CADPS: variants seen among roughly 807,000 people sequenced by gnomAD.
The protein encoded by CADPS is calcium-dependent secretion activator 1.
In CADPS, 57 loss-of-function variants were observed where a neutral mutation model predicts 167.3. The observed-to-expected ratio is 0.34, with a 90% CI of 0.28 to 0.42. The LOEUF (loss-of-function observed/expected upper bound fraction) is 0.42, where lower values mean the gene tolerates loss of function less well. Among genes scored for constraint, CADPS ranks in the 20% least tolerant of loss-of-function variants. The pLI is 1.00. For synonymous variants in CADPS, 676 were observed against 635.3 expected, an observed-to-expected ratio of 1.06 and a Z score of -0.96; for missense variants, 1,414 against 1,738.1, an observed-to-expected ratio of 0.81 and a Z score of 3.32.
At chr3:62,434,013 T>C (rs1393003962) in intron 28 of CADPS, among the ~76,000 whole-genome samples, 1 of 152,220 alleles carries the variant, frequency 6.6e-6, no homozygotes, top group African/African-American at 2.4e-5. Flanking sequence ...TGGAGATTAT[T>C]TCATATCCAT....
At chr3:62,629,893 T>C (rs2064958729) in intron 6 of CADPS, among the ~76,000 whole-genome samples, 1 of 152,210 alleles carries the variant, frequency 6.6e-6, no homozygotes, top group South Asian at 2.1e-4. Flanking sequence ...AGTGGATCTT[T>C]GACATTGAAG....
Position 62,765,996 on chromosome 3 carries a change from A to C in CADPS, c.442-12T>G, listed in dbSNP as rs1159057453. On this transcript the variant is annotated splice_polypyrimidine_tract_variant and intron_variant, in intron 1 of 29. Transcript: ENST00000383710. ...TGCTGTTTGCTGATCTGTAAGAAAC[A>C]GAAAAAGAGGGAAATGTGAGAACTT... The C allele has an allele frequency of 6.3e-6, 10 of 1,581,044 alleles. No homozygotes were observed. The highest frequency in any genetic ancestry group is 8.7e-6 in the Non-Finnish European group (10 of 1,150,856).
In CADPS at chr3:62,433,302, G is replaced by A. The variant is rs1311169001; in HGVS notation, c.3777+4802C>T. Among the ~76,000 whole-genome samples the A allele has an allele frequency of 1.3e-5, 2 of 152,102 alleles. No homozygotes were observed. Among genetic ancestry groups the A allele is most frequent in the Non-Finnish European group, 2.9e-5 (2 of 68,014 alleles). The stretch of plus-strand genomic sequence containing the variant: ...CAATTATTGTTCTGCCACACAAACT[G>A]GACAAATACACGATTTGAAAATGGA... On this transcript the variant is annotated intron_variant, in intron 28 of 29. Transcript: ENST00000383710. This position sits in a 1 kb window ranked among gnomAD's most constrained non-coding sequence, Gnocchi z 4.7.
rs2051474033 is a variant in CADPS, at chr3:62,421,810, G to A, written c.3777+16294C>T. Among the ~76,000 whole-genome samples, 1 of 152,182 alleles carries A rather than the reference G, an allele frequency of 6.6e-6. No homozygotes were observed. Among genetic ancestry groups the A allele is most frequent in the Admixed American group, 6.5e-5 (1 of 15,288 alleles). Reference sequence around the variant, plus strand: ...GATGCCCCGGGTCTGGGTTTTTTTGGAGTGTGCTATTGTTTGTGCTGGACT... The same window carrying A: ...GATGCCCCGGGTCTGGGTTTTTTTGAAGTGTGCTATTGTTTGTGCTGGACT... On this transcript the variant is annotated intron_variant, in intron 28 of 29. Transcript: ENST00000383710. The surrounding 1 kb of genome is among the most constrained non-coding windows in gnomAD (Gnocchi z 4.7).
chr3:62,637,190 GTCTC>G (rs755314116), intron 6 of CADPS, among the ~76,000 whole-genome samples: 20 of 152,192 alleles, frequency 1.3e-4, no homozygotes, highest in Admixed American at 3.9e-4. Flanking sequence ...GTTGTGTCTT[GTCTC>G]TCTTTCAAAT....
chr3:62,549,206 G>C (rs1233264818), intron 11 of CADPS, among the ~76,000 whole-genome samples: 2 of 152,122 alleles, frequency 1.3e-5, no homozygotes, highest in Admixed American at 6.5e-5. Context: ...CATTTTCTTT[G>C]TTTTAATAAA....
At chr3:62,777,536 T>C (rs1373452399) in intron 1 of CADPS, among the ~76,000 whole-genome samples, 1 of 152,098 alleles carries the variant, frequency 6.6e-6, no homozygotes, top group Non-Finnish European at 1.5e-5. Context: ...TAATGCAAAC[T>C]AGGAACTTTA....
chr3:62,406,477 G>A (rs972470732), intron 28 of CADPS, among the ~76,000 whole-genome samples: 1 of 152,168 alleles, frequency 6.6e-6, no homozygotes, highest in African/African-American at 2.4e-5. Flanking sequence ...GTTCAGATAT[G>A]CCTTTTCCAG....
At chr3:62,492,150 T>C (rs2063852545) in intron 20 of CADPS, 140 bp downstream of exon 20, 1 of 726,376 alleles carries the variant, frequency 1.4e-6, no homozygotes, top group Admixed American at 2.4e-5. Context: ...TGTATGTTTC[T>C]TTTTGGGGGG....
At chr3:62,599,226 T>C (rs2059337966) in intron 6 of CADPS, among the ~76,000 whole-genome samples, 1 of 151,952 alleles carries the variant, frequency 6.6e-6, no homozygotes, top group Admixed American at 6.6e-5. Context: ...AAGTAGATAA[T>C]GTAAAATGGG....
chr3:62,743,878 G>A (rs2080869121), intron 3 of CADPS, among the ~76,000 whole-genome samples: 1 of 152,124 alleles, frequency 6.6e-6, no homozygotes, highest in South Asian at 2.1e-4. Flanking sequence ...CCAAATAAAA[G>A]AGATTCATAA....
intron 3 of CADPS, among the ~76,000 whole-genome samples, chr3:62,700,671 C>T (rs372274014): frequency 2.6e-5 from 4 of 152,080 alleles, no homozygotes; most frequent in African/African-American, 4.8e-5. Flanking sequence ...TTGCACTTCA[C>T]GTGCTTTGTC....
chr3:62,738,428 TA>T (rs5849498), intron 3 of CADPS, among the ~76,000 whole-genome samples: 7 of 151,066 alleles, frequency 4.6e-5, no homozygotes, highest in Non-Finnish European at 7.4e-5. Flanking sequence ...ACTTACACAT[TA>T]AAAAAAAATT....
At chr3:62,521,830 C>A (rs2070684601) in intron 13 of CADPS, among the ~76,000 whole-genome samples, 1 of 152,162 alleles carries the variant, frequency 6.6e-6, no homozygotes, top group South Asian at 2.1e-4. Context: ...GGTGCCTATT[C>A]CCCTACTATT....
At chr3:62,502,061 C>T (rs1037189364) in intron 17 of CADPS, among the ~76,000 whole-genome samples, 1 of 152,298 alleles carries the variant, frequency 6.6e-6, no homozygotes, top group Non-Finnish European at 1.5e-5. Context: ...ACCCATGTAG[C>T]CAGTCTTTCA....
At chr3:62,853,164 C>A (rs1197047631) in intron 1 of CADPS, among the ~76,000 whole-genome samples, 2 of 152,110 alleles carry the variant, frequency 1.3e-5, no homozygotes, top group African/African-American at 4.8e-5. Context: ...GTGATCAATA[C>A]CACTTTTATC....
At chr3:62,809,790 T>C (rs1480985305) in intron 1 of CADPS, among the ~76,000 whole-genome samples, 1 of 152,188 alleles carries the variant, frequency 6.6e-6, no homozygotes, top group Non-Finnish European at 1.5e-5. Flanking sequence ...TGATGCATAA[T>C]ATCCATGAAA....
chr3:62,871,067 CATAAT>C (rs2082551623), intron 1 of CADPS, among the ~76,000 whole-genome samples: 1 of 152,066 alleles, frequency 6.6e-6, no homozygotes. Context: ...AGTAATGTAA[CATAAT>C]ATATCGGTAA....
At chr3:62,762,656 CA>C (rs35231096) in intron 2 of CADPS, among the ~76,000 whole-genome samples, 1,442 of 53,142 alleles carry the variant, frequency 0.027, 6 homozygotes, top group African/African-American at 0.055. Context: ...AACCCGGACT[CA>C]AAAAAAAAAA....
Sources: gnomAD v4.1 joint callset for allele counts (sites outside exome capture counted in the v4.1 genomes callset) on GRCh38, gnomAD v4.1.1 for gene constraint, Gnocchi (gnomAD v3.1) non-coding constraint, MANE v1.5 for transcripts, NCBI Gene and HGNC (gene_info 2026-07-23, HGNC 2026-07-21) for gene names.